Variants in NAALADL2 observed in about 807,000 individuals in gnomAD.
The protein encoded by NAALADL2 is N-acetylated alpha-linked acidic dipeptidase like 2, also known as inactive N-acetylated-alpha-linked acidic dipeptidase-like protein 2.
NAALADL2 carries 76 observed loss-of-function variants against 87.2 expected under a neutral mutation model. The ratio of observed to expected loss-of-function variants is 0.87; its 90% confidence interval spans 0.72 to 1.05. The LOEUF (loss-of-function observed/expected upper bound fraction) is 1.05. Ranked by LOEUF, NAALADL2 falls within the 50% of genes least tolerant of loss-of-function variation. The pLI is 0.00. For synonymous variants in NAALADL2, 354 were observed against 331.0 expected (o/e 1.07, Z -0.75); for missense variants, 1,089 against 945.8 (o/e 1.15, Z -1.99).
chr3:174,769,224 G>A (rs1321799223), intron 3 of NAALADL2, among the ~76,000 whole-genome samples: 1 of 151,868 alleles, frequency 6.6e-6, no homozygotes, highest in Non-Finnish European at 1.5e-5. Context: ...ATATTCAAAT[G>A]CATTTTAAAC....
At chr3:174,990,110 T>C (rs551689893) in intron 1 of NAALADL2, among the ~76,000 whole-genome samples, 8 of 152,186 alleles carry the variant, frequency 5.3e-5, no homozygotes, top group Non-Finnish European at 1.0e-4. Flanking sequence ...ATGATGTATC[T>C]TGAAATAGCG....
rs530121156 is a variant in NAALADL2 at position 175,173,469 on chromosome 3, T to C, written c.546-60462T>C. Among the ~76,000 whole-genome samples, 10 of 152,252 alleles carry C rather than the reference T, an allele frequency of 6.6e-5. No individual in the cohort carries two copies. In the East Asian group the frequency reaches 1.9e-3, roughly 29 times the overall value. ...GTGAGCCAACGTCGTGCCACTGCAC[T>C]CCAACCTGAGTGACAGTGTGAGACC... is the stretch of plus-strand genomic sequence containing the variant. On this transcript the variant is annotated intron_variant, in intron 2 of 13. Coordinates refer to ENST00000454872, the MANE Select transcript of NAALADL2 (RefSeq NM_207015.3).
At chr3:175,258,025 G>C (rs13090364) in intron 4 of NAALADL2, among the ~76,000 whole-genome samples, 41,319 of 151,900 alleles carry the variant, frequency 0.27, 5,958 homozygotes, top group Admixed American at 0.34. Context: ...ATGAAACGAT[G>C]GGGCCAGGCG....
chr3:175,781,276 T>C (rs1193560490), intron 13 of NAALADL2, among the ~76,000 whole-genome samples: 1 of 152,162 alleles, frequency 6.6e-6, no homozygotes, highest in South Asian at 2.1e-4. Context: ...AAATCTATGT[T>C]ATAAAATCAT....
chr3:174,995,876 C>G (rs573719912), intron 1 of NAALADL2, among the ~76,000 whole-genome samples: 2 of 150,864 alleles, frequency 1.3e-5, no homozygotes, highest in African/African-American at 2.4e-5. Context: ...GTAAGTAAAC[C>G]AGAAAAGAGA....
At chr3:175,631,292 T>G (rs1381010749) in intron 11 of NAALADL2, among the ~76,000 whole-genome samples, 2 of 151,812 alleles carry the variant, frequency 1.3e-5, no homozygotes, top group Non-Finnish European at 2.9e-5. Context: ...AGTGCAATTT[T>G]GTTACATGAA....
At chr3:174,828,519 G>C (rs1457099580) in intron 3 of NAALADL2, among the ~76,000 whole-genome samples, 1 of 152,184 alleles carries the variant, frequency 6.6e-6, no homozygotes, top group Non-Finnish European at 1.5e-5. Context: ...TAAAGTTGCT[G>C]TATCATGGAA....
rs1751125535 is a variant in NAALADL2, at chr3:175,781,716, ATTTTTTT to A, written c.2190-21288_2190-21282del. On this transcript the variant is annotated intron_variant, in intron 13 of 13. Transcript: ENST00000454872. ...TTAACATAACGCTTTTATTTTTTTTATTTTTTTATTATACTTTAAGTTTTAGGGTACA... is the reference window on the plus strand; with the variant it reads ...TTAACATAACGCTTTTATTTTTTTTAATTATACTTTAAGTTTTAGGGTACA... 3.6e-4 allele frequency among the ~76,000 whole-genome samples: 53 copies of A among 146,934 alleles called. No homozygotes were observed. The Middle Eastern group carries it at 0.014, about 39-fold the overall frequency.
Position 175,730,437 on chromosome 3 carries a change from TATATATAC to T in NAALADL2, c.1897-6867_1897-6860del, listed in dbSNP as rs1226752536. 1.0e-2 allele frequency among the ~76,000 whole-genome samples: 749 copies of T among 75,030 alleles called. 16 individuals carry two copies. Among genetic ancestry groups the T allele is most frequent in the Middle Eastern group, 0.016 (2 of 124 alleles). 49.2% of individuals were successfully genotyped at this position (75,030 alleles called of 152,430 possible). ...ATATATATATATATATATATATATA[TATATATAC>T]ACACATACACACGCACACACACACG... On this transcript the variant is annotated intron_variant, in intron 11 of 13. Coordinates refer to ENST00000454872, the MANE Select transcript of NAALADL2 (RefSeq NM_207015.3).
intron 9 of NAALADL2, among the ~76,000 whole-genome samples, chr3:175,495,092 A>ATATATATAT: frequency 7.3e-6 from 1 of 136,506 alleles, no homozygotes; most frequent in East Asian, 2.1e-4. Flanking sequence ...ATATATATAT[A>ATATATATAT]TTTTTTTTTA....
intron 2 of NAALADL2, among the ~76,000 whole-genome samples, chr3:174,666,088 C>T (rs1159903824): frequency 1.3e-5 from 2 of 152,082 alleles, no homozygotes; most frequent in African/African-American, 4.8e-5. Flanking sequence ...GTCAACATAT[C>T]ATTTTTTGGG....
chr3:174,499,323 CAA>C (rs1212491532), intron 1 of NAALADL2, among the ~76,000 whole-genome samples: 1 of 152,018 alleles, frequency 6.6e-6, no homozygotes, highest in Non-Finnish European at 1.5e-5. Context: ...ATTTTGGATA[CAA>C]GTTATCAGAT....
chr3:174,442,578 ATATTT>A (rs1016046069), intron 1 of NAALADL2, among the ~76,000 whole-genome samples: 3 of 152,212 alleles, frequency 2.0e-5, no homozygotes, highest in African/African-American at 7.2e-5. Context: ...AAGCATTATT[ATATTT>A]AGGTAGAACA....
chr3:174,550,576 A>G (rs977281516), exon 2 of NAALADL2: 5 of 152,110 alleles, frequency 3.3e-5, no homozygotes, highest in Non-Finnish European at 5.9e-5. Context: ...TAGGAGGCTG[A>G]GGGAAGAAAA....
chr3:175,314,473 G>A (rs911474082), intron 4 of NAALADL2, among the ~76,000 whole-genome samples: 5 of 142,576 alleles, frequency 3.5e-5, no homozygotes, highest in Non-Finnish European at 6.1e-5. Context: ...TTTTACAGAA[G>A]GATAAAGAGA....
At chr3:175,389,783 G>A (rs796413221) in intron 5 of NAALADL2, among the ~76,000 whole-genome samples, 1 of 152,146 alleles carries the variant, frequency 6.6e-6, no homozygotes. Flanking sequence ...TCAAAGAGGA[G>A]GCTTTGCTTG....
rs572375035 is a variant in NAALADL2, at chr3:174,452,564, G to A, written c.-184+11532G>A. On this transcript the variant is annotated intron_variant, in intron 1 of 3. Coordinates refer to the NAALADL2 transcript ENST00000434257. The stretch of plus-strand genomic sequence containing the variant: ...TGAGAGTACCTTAGCCCCAACCCCC[G>A]CCCACACAGTGGGTTCCTAATTTCG... 6.6e-5 allele frequency among the ~76,000 whole-genome samples: 10 copies of A among 152,044 alleles called. No homozygotes were observed. In the South Asian group the frequency reaches 1.2e-3, roughly 19 times the overall value.
chr3:174,878,199 T>C (rs1316094994), intron 1 of NAALADL2, among the ~76,000 whole-genome samples: 2 of 152,150 alleles, frequency 1.3e-5, no homozygotes, highest in African/African-American at 4.8e-5. Flanking sequence ...ATAAAGTATT[T>C]TGAGAAAAAT....
intron 9 of NAALADL2, among the ~76,000 whole-genome samples, chr3:175,481,592 A>T (rs1726480832): frequency 1.3e-5 from 2 of 151,922 alleles, no homozygotes; most frequent in Non-Finnish European, 2.9e-5. Flanking sequence ...AACAGTCACA[A>T]GTCTAGGTAT....
Sources: gnomAD v4.1 joint callset for allele counts (sites outside exome capture counted in the v4.1 genomes callset) on GRCh38, gnomAD v4.1.1 for gene constraint, MANE v1.5 for transcripts, NCBI Gene and HGNC (gene_info 2026-07-23, HGNC 2026-07-21) for gene names.